Variants in MBD6 observed in about 807,000 individuals in gnomAD.
MBD6 encodes the protein methyl-CpG binding domain protein 6, also known as methyl-CpG-binding domain protein 6.
Under a neutral mutation model 66.8 loss-of-function variants are expected in MBD6, and 22 were observed. The ratio of observed to expected loss-of-function variants is 0.33; its 90% CI spans 0.24 to 0.47. MBD6 has a LOEUF of 0.47. Ranked by LOEUF, MBD6 falls within the 20% of genes least tolerant of loss-of-function variation. MBD6 has a pLI of 1.00. For synonymous variants in MBD6, 540 were observed against 534.6 expected (o/e 1.01, Z -0.14); for missense variants, 1,322 against 1,286.9 (o/e 1.03, Z -0.42).
chr12:57,527,383 G>A, intron 7 of MBD6, 124 bp from the exon 8 acceptor site: 1 of 1,282,652 alleles, frequency 7.8e-7, no homozygotes, highest in Non-Finnish European at 1.1e-6. Context: ...GCAAGAATTG[G>A]GTCTGTATTT....
At position 57,529,189 on chromosome 12, in the gene MBD6, C is replaced by T. The variant is rs755604737; in HGVS notation, c.2967C>T (p.Arg989=). ...CTGTCCCTCTGCCTCCCCGGGCCCG[C>T]CCTGGCCGTCCTGCCAAAAACAAGA... ...RAAVPLPPRA[R]PGRPAKNKRR... The change falls in exon 13 of 13, where the codon CGC becomes CGT. Residue 989 remains arginine (R), a synonymous_variant. Transcript: ENST00000355673. 2.5e-6 allele frequency: 4 copies of T among 1,614,000 alleles called. No homozygotes were observed. Among genetic ancestry groups the T allele is most frequent in the Non-Finnish European group, 2.5e-6 (3 of 1,180,010 alleles).
rs755950684 is a variant in MBD6 at position 57,526,832 on chromosome 12, G to A, written c.1687G>A (p.Val563Met). 1.2e-6 allele frequency: 2 copies of A among 1,613,426 alleles called. No homozygotes were observed. Among genetic ancestry groups the A allele is most frequent in the Non-Finnish European group, 1.7e-6 (2 of 1,179,674 alleles). Residue 563 changes from valine (V) to methionine (M), a missense_variant, in exon 7 of 13, where the codon GTG (valine) becomes ATG (methionine). Physicochemically the swap from Val to Met is conservative, Grantham distance 21 (BLOSUM62 1). Coordinates refer to ENST00000355673, the MANE Select transcript of MBD6 (RefSeq NM_052897.4). ...SPLLNHSLFG[V>M]LTGGGGQPPP... ...ATTGCTCAACCACAGTTTATTTGGT[G>A]TGCTGACTGGGGGAGGAGGACAACC... is the stretch of plus-strand genomic sequence containing the variant.
At chr12:57,528,801 G>A in intron 11 of MBD6, 83 bp downstream of exon 11, 1 of 1,602,082 alleles carries the variant, frequency 6.2e-7, no homozygotes, top group Admixed American at 1.7e-5. Flanking sequence ...TAGTGGCTTG[G>A]TTTTCAAAAG....
At chr12:57,523,040 C>T (rs1241599308) in intron 1 of MBD6, 29 bp downstream of exon 1, 1 of 141,864 alleles carries the variant, frequency 7.0e-6, no homozygotes, top group East Asian at 2.2e-4. Flanking sequence ...CCCCCCCACC[C>T]TGCCCCTCCC....
rs769808710 is a variant in MBD6 at position 57,528,298 on chromosome 12, G to T, written c.2558G>T (p.Gly853Val). Residue 853 changes from glycine to valine, a missense_variant, in exon 10 of 13, where the codon GGG (glycine) becomes GTG (valine). Coordinates refer to ENST00000355673, the MANE Select transcript of MBD6 (RefSeq NM_052897.4). ...PPVPELLTGR[G>V]SGKRGRRGGG... ...GTCCCTGAGCTGCTCACTGGGAGGG[G>T]GTCAGGGAAACGGGGCCGGAGGGGA... The T allele has an allele frequency of 3.1e-6, 5 of 1,606,412 alleles. No homozygotes were observed. The Admixed American group carries it at 8.4e-5, about 27-fold the overall frequency.
intron 5 of MBD6, 22 bp downstream of exon 5, chr12:57,525,137 A>G: frequency 1.9e-6 from 3 of 1,596,858 alleles, no homozygotes; most frequent in Non-Finnish European, 8.5e-7. Flanking sequence ...GCCACTTTAC[A>G]GAAGACCGAG....
At chr12:57,530,732 T>C, downstream of MBD6, 1 of 1,613,960 alleles carries the variant, frequency 6.2e-7, no homozygotes, top group Middle Eastern at 1.6e-4. Flanking sequence ...GCTGGCAAAG[T>C]TCCCCTCAAC....
At chr12:57,530,931 C>T (rs74470647), downstream of MBD6, among the ~76,000 whole-genome samples, 320 of 152,256 alleles carry the variant, frequency 2.1e-3, 1 homozygote, top group Admixed American at 4.3e-3. Flanking sequence ...TCAAGCTACC[C>T]TTAGAGTACA....
chr12:57,530,372 G>A, downstream of MBD6: 1 of 299,216 alleles, frequency 3.3e-6, no homozygotes, highest in South Asian at 7.4e-5. Flanking sequence ...AGCCACAGAA[G>A]CTGTGTTGGG....
Position 57,527,568 on chromosome 12 carries a change from C to T in MBD6, c.2144C>T (p.Thr715Ile), listed in dbSNP as rs1280114563. ...ACCTCCAGTGTCACCACGGCAACTA[C>T]TGACCCGGGGGCCTCCTCTCTGGGC... ...PPTSSVTTAT[T>I]DPGASSLGKA... The change falls in exon 8 of 13, where the codon ACT becomes ATT. Residue 715 changes from threonine (T) to isoleucine (I), a missense_variant. Coordinates refer to ENST00000355673, the MANE Select transcript of MBD6 (RefSeq NM_052897.4). 1 of 1,614,104 alleles carries T rather than the reference C, an allele frequency of 6.2e-7. No homozygotes were observed. Among genetic ancestry groups the T allele is most frequent in the South Asian group, 1.1e-5 (1 of 91,086 alleles).
At position 57,525,977 on chromosome 12, in the gene MBD6, C is replaced by G. The variant is rs757061772; in HGVS notation, c.1009C>G (p.Pro337Ala). ...AAKAQHPPLP[P>A]PSTLQGRRPR... is the part of the protein sequence containing the mutation. The stretch of plus-strand genomic sequence containing the variant: ...CAAGGCACAGCATCCCCCACTACCC[C>G]CTCCCAGCACTTTACAGGGCCGAAG... Residue 337 changes from proline to alanine, a missense_variant, in exon 6 of 13, where the codon CCT becomes GCT. Transcript: ENST00000355673. 6.2e-6 allele frequency: 10 copies of G among 1,613,682 alleles called. 1 individual carries two copies. In the Admixed American group the frequency reaches 6.7e-5, roughly 11 times the overall value.
rs1200285641 is a variant in MBD6 at position 57,525,342 on chromosome 12, T to C, written c.380-6T>C. On this transcript the variant is annotated splice_polypyrimidine_tract_variant and splice_region_variant and intron_variant, in intron 5 of 12. Coordinates refer to ENST00000355673, the MANE Select transcript of MBD6 (RefSeq NM_052897.4). ...AGGCTGACCCTTCATTTTTCATTTA[T>C]TGCAGGAGAGGGAGCGAGCCCCCAA... The C allele has an allele frequency of 1.3e-6, 2 of 1,563,824 alleles. No individual in the cohort carries two copies. Among genetic ancestry groups the C allele is most frequent in the Non-Finnish European group, 1.7e-6 (2 of 1,161,048 alleles).
Position 57,528,290 on chromosome 12 carries a change from T to C in MBD6, c.2550T>C (p.Thr850=), listed in dbSNP as rs1203028411. 1 of 1,604,994 alleles carries C rather than the reference T, an allele frequency of 6.2e-7. No individual in the cohort carries two copies. The highest frequency in any genetic ancestry group is 2.2e-5 in the East Asian group (1 of 44,772). ...ACCCCCCAGTCCCTGAGCTGCTCAC[T>C]GGGAGGGGGTCAGGGAAACGGGGCC... ...SPDPPVPELL[T]GRGSGKRGRR... is the part of the protein sequence containing the mutation. The change falls in exon 10 of 13, where the codon ACT becomes ACC. Residue 850 remains threonine, a synonymous_variant. Transcript: ENST00000355673.
rs1768010862 is a variant in MBD6 at position 57,526,674 on chromosome 12, C to T, written c.1529C>T (p.Pro510Leu). Residue 510 changes from proline (P) to leucine (L), a missense_variant, in exon 7 of 13, where the codon CCT becomes CTT. By Grantham distance (98) the Pro-to-Leu change is moderately conservative. Coordinates refer to ENST00000355673, the MANE Select transcript of MBD6 (RefSeq NM_052897.4). ...GMGAGPACPL[P>L]PLAGGEAFPF... ...GGGGCAGGCCCGGCCTGCCCTCTGC[C>T]TCCCCTGGCTGGTGGAGAGGCTTTC... The T allele has an allele frequency of 6.6e-7, 1 of 1,524,276 alleles. No individual in the cohort carries two copies. The allele number at this position is 1,524,276 out of a possible 1,614,324, so 94.4% of individuals were successfully genotyped here.
downstream of MBD6, chr12:57,530,720 A>C: frequency 1.9e-6 from 3 of 1,613,928 alleles, no homozygotes; most frequent in Non-Finnish European, 2.5e-6. Flanking sequence ...CCGTTCATCA[A>C]TGCTGGCAAA....
downstream of MBD6, chr12:57,530,306 CCACA>C (rs1436984596): frequency 5.8e-6 from 1 of 171,976 alleles, no homozygotes; most frequent in African/African-American, 2.4e-5. Context: ...ACAGCAGAGG[CCACA>C]CAGAGTACAA....
downstream of MBD6, chr12:57,530,794 G>A (rs765810875): frequency 6.2e-7 from 1 of 1,601,428 alleles, no homozygotes; most frequent in Non-Finnish European, 8.6e-7. Context: ...TGGTAGAGAG[G>A]TTTTACTCTT....
chr12:57,526,261 C>A lies in MBD6; in HGVS notation c.1293C>A (p.Asn431Lys), dbSNP rs1424965324. ...PGPSHSDGSF[N>K]LLGSDAHLPP... is the part of the protein sequence containing the mutation. ...CTTCCCACTCTGATGGAAGCTTTAA[C>A]CTTTTGGGGTCAGATGCACACCTTC... Residue 431 changes from asparagine (N) to lysine (K), a missense_variant, in exon 6 of 13, where the codon AAC (asparagine) becomes AAA (lysine). Coordinates refer to ENST00000355673, the MANE Select transcript of MBD6 (RefSeq NM_052897.4). 6.2e-7 allele frequency: 1 copy of A among 1,613,940 alleles called. No homozygotes were observed. Among genetic ancestry groups the A allele is most frequent in the South Asian group, 1.1e-5 (1 of 91,066 alleles).
chr12:57,525,811 C>T lies in MBD6; in HGVS notation c.843C>T (p.His281=). 1 of 1,613,270 alleles carries T rather than the reference C, an allele frequency of 6.2e-7. No homozygotes were observed. Among genetic ancestry groups the T allele is most frequent in the Non-Finnish European group, 8.5e-7 (1 of 1,179,694 alleles). Residue 281 remains histidine, a synonymous_variant, in exon 6 of 13, where the codon CAC becomes CAT. Transcript: ENST00000355673. ...PLPPSNNLPA[H]PGPASQPPVS... Reference sequence around the variant, plus strand: ...CCCCGAGCAATAATCTCCCCGCCCACCCTGGTCCTGCCTCTCAGCCACCAG... The same window carrying T: ...CCCCGAGCAATAATCTCCCCGCCCATCCTGGTCCTGCCTCTCAGCCACCAG...
Sources: allele counts gnomAD v4.1 joint callset (sites outside exome capture counted in the v4.1 genomes callset), GRCh38; gene constraint gnomAD v4.1.1; transcripts MANE v1.5; gene names NCBI Gene and HGNC (gene_info 2026-07-23, HGNC 2026-07-21).